MAGI1: variants seen among roughly 807,000 people sequenced by gnomAD.
The protein encoded by MAGI1 is membrane associated guanylate kinase, WW and PDZ domain containing 1, also known as membrane-associated guanylate kinase, WW and PDZ domain-containing protein 1.
In MAGI1, 58 loss-of-function variants were observed where a neutral mutation model predicts 139.9. The ratio of observed to expected loss-of-function variants is 0.41; its 90% CI spans 0.34 to 0.52. MAGI1 has a LOEUF of 0.52. Among genes scored for constraint, MAGI1 ranks in the 20% least tolerant of loss-of-function variants. The pLI, the probability that MAGI1 is intolerant of heterozygous loss-of-function variation, is 0.12. For missense variants in MAGI1, 1,874 were observed against 1,901.6 expected, an observed-to-expected ratio of 0.99 and a Z score of 0.27; for synonymous variants, 812 against 737.9, an observed-to-expected ratio of 1.10 and a Z score of -1.63.
At chr3:65,600,562 T>C (rs1380141296) in intron 2 of MAGI1, among the ~76,000 whole-genome samples, 2 of 152,204 alleles carry the variant, frequency 1.3e-5, no homozygotes, top group African/African-American at 2.4e-5. Context: ...CTTAGTTGCA[T>C]TTCTTTTAAA....
At chr3:65,794,335 G>A (rs959034389) in intron 1 of MAGI1, among the ~76,000 whole-genome samples, 4 of 152,136 alleles carry the variant, frequency 2.6e-5, no homozygotes, top group African/African-American at 9.7e-5. Flanking sequence ...AAACTCAACA[G>A]CACCTTTTCC....
intron 1 of MAGI1, among the ~76,000 whole-genome samples, chr3:65,677,283 G>A (rs867895444): frequency 6.6e-6 from 1 of 152,074 alleles, no homozygotes; most frequent in East Asian, 1.9e-4. Flanking sequence ...TTTGGGAGGG[G>A]ATTTTTACTA....
At chr3:65,876,449 G>GA in intron 1 of MAGI1, among the ~76,000 whole-genome samples, 1 of 152,180 alleles carries the variant, frequency 6.6e-6, no homozygotes, top group Non-Finnish European at 1.5e-5. Flanking sequence ...AGGTAGACGG[G>GA]AAAAAAGTGT....
intron 3 of MAGI1, among the ~76,000 whole-genome samples, chr3:65,489,847 G>C (rs749348303): frequency 8.5e-5 from 13 of 152,202 alleles, no homozygotes; most frequent in Non-Finnish European, 1.5e-4. Flanking sequence ...GACTTAGCTA[G>C]TTTTAAGGCT....
Position 65,514,782 on chromosome 3 carries a change from C to T in MAGI1, c.431-21151G>A, listed in dbSNP as rs1408986072. 4.8e-4 allele frequency among the ~76,000 whole-genome samples: 69 copies of T among 145,104 alleles called. 1 individual carries two copies. In the East Asian group the frequency reaches 0.011, roughly 24 times the overall value. ...CTCAGGGATCTAGAATTAGAAATAC[C>T]ATTTGACCCAGCCATCCCATTACTG... On this transcript the variant is annotated intron_variant, in intron 2 of 22. Transcript: ENST00000402939.
At chr3:65,651,975 G>A (rs17073271) in intron 1 of MAGI1, among the ~76,000 whole-genome samples, 6,196 of 152,070 alleles carry the variant, frequency 0.041, 234 homozygotes, top group African/African-American at 0.095. Flanking sequence ...ATGCTGAAGG[G>A]AAAAAACCCC....
At chr3:65,907,620 T>C (rs934721954) in intron 1 of MAGI1, 6 of 152,214 alleles carry the variant, frequency 3.9e-5, no homozygotes, top group African/African-American at 9.6e-5. Flanking sequence ...CAAAAGACTT[T>C]ACCTTTTTCA....
At chr3:65,779,094 G>C (rs1293315077) in intron 1 of MAGI1, among the ~76,000 whole-genome samples, 1 of 152,212 alleles carries the variant, frequency 6.6e-6, no homozygotes, top group African/African-American at 2.4e-5. Context: ...CCCACAAAAT[G>C]AAAATTTTTT....
intron 1 of MAGI1, among the ~76,000 whole-genome samples, chr3:65,896,885 T>G (rs971544424): frequency 2.0e-5 from 3 of 152,174 alleles, no homozygotes; most frequent in Non-Finnish European, 4.4e-5. Context: ...AATTTTGATT[T>G]TATACACCTA....
chr3:65,360,138 TCTC>T, intron 22 of MAGI1: 1 of 985,280 alleles, frequency 1.0e-6, no homozygotes. Flanking sequence ...GAGCTATCCT[TCTC>T]CTTGAGCTGC....
rs774036148 is a variant in MAGI1 at position 65,440,043 on chromosome 3, G to C, written c.1137-31C>G. 7.4e-6 allele frequency: 12 copies of C among 1,612,316 alleles called. No individual in the cohort carries two copies. The Middle Eastern group carries it at 5.0e-4, about 67-fold the overall frequency. The stretch of plus-strand genomic sequence containing the variant: ...GAAGATAGCAAATAGTATTCAGCTT[G>C]AAACAGTTCATCCCACCAGCAAAAT... On this transcript the variant is annotated intron_variant, in intron 8 of 22. Transcript: ENST00000402939.
chr3:65,684,818 C>T (rs1015336054), intron 1 of MAGI1, among the ~76,000 whole-genome samples: 1 of 151,068 alleles, frequency 6.6e-6, no homozygotes, highest in African/African-American at 2.4e-5. Context: ...CCACTAACCT[C>T]AGCTTCTCAA....
intron 1 of MAGI1, among the ~76,000 whole-genome samples, chr3:65,657,637 A>C (rs2085954875): frequency 6.6e-6 from 1 of 152,186 alleles, no homozygotes; most frequent in Admixed American, 6.5e-5. Context: ...CTGGGGAATG[A>C]CAACATCACG....
chr3:65,693,912 G>A (rs966818202), intron 1 of MAGI1, among the ~76,000 whole-genome samples: 3 of 151,874 alleles, frequency 2.0e-5, no homozygotes, highest in Non-Finnish European at 4.4e-5. Context: ...GTAGAGAGGG[G>A]GTTTCACCAT....
At chr3:65,812,954 G>A (rs180773706) in intron 1 of MAGI1, among the ~76,000 whole-genome samples, 67 of 150,556 alleles carry the variant, frequency 4.5e-4, no homozygotes, top group Middle Eastern at 6.8e-3. Context: ...CAGGTGATCC[G>A]ACCGCCTCAG....
chr3:65,968,834 A>G (rs2064883188), intron 1 of MAGI1, among the ~76,000 whole-genome samples: 1 of 152,204 alleles, frequency 6.6e-6, no homozygotes, highest in South Asian at 2.1e-4. Context: ...ACTTTTATTC[A>G]TAGGAAATGT....
chr3:65,534,609 G>C (rs1296159277), intron 2 of MAGI1, among the ~76,000 whole-genome samples: 1 of 152,178 alleles, frequency 6.6e-6, no homozygotes, highest in East Asian at 1.9e-4. Flanking sequence ...AGTTCGCTGA[G>C]AGCTAACATG....
chr3:65,827,455 T>A (rs997453433), intron 1 of MAGI1, among the ~76,000 whole-genome samples: 1 of 152,214 alleles, frequency 6.6e-6, no homozygotes, highest in African/African-American at 2.4e-5. Context: ...AGAGGCAATA[T>A]TATCACTTGG....
chr3:65,732,088 A>G (rs946143817), intron 1 of MAGI1, among the ~76,000 whole-genome samples: 1 of 152,236 alleles, frequency 6.6e-6, no homozygotes, highest in Non-Finnish European at 1.5e-5. Flanking sequence ...TTAGCAAATT[A>G]GCCCCTGCTG....
Sources: gnomAD v4.1 joint callset for allele counts (sites outside exome capture counted in the v4.1 genomes callset) on GRCh38, gnomAD v4.1.1 for gene constraint, MANE v1.5 for transcripts, NCBI Gene and HGNC (gene_info 2026-07-23, HGNC 2026-07-21) for gene names.